Variants in MYRIP observed in about 807,000 individuals in gnomAD.
The protein encoded by MYRIP is rab effector MyRIP.
Under a neutral mutation model 98.0 loss-of-function variants are expected in MYRIP, and 49 were observed. The ratio of observed to expected loss-of-function variants is 0.50; its 90% CI spans 0.40 to 0.63. The LOEUF (loss-of-function observed/expected upper bound fraction) is 0.63. MYRIP is among the 30% of genes least tolerant of loss of function. MYRIP has a pLI of 0.00. For missense variants in MYRIP, 1,004 were observed against 1,058.2 expected (o/e 0.95, Z 0.71); for synonymous variants, 404 against 409.5 (o/e 0.99, Z 0.16).
intron 3 of MYRIP, among the ~76,000 whole-genome samples, chr3:40,106,597 T>C (rs2125897385): frequency 6.6e-6 from 1 of 152,308 alleles, no homozygotes; most frequent in East Asian, 1.9e-4. Context: ...AAGCTAACAG[T>C]GTCCACTTTC....
intron 1 of MYRIP, among the ~76,000 whole-genome samples, chr3:39,819,481 G>A (rs1009450697): frequency 3.9e-5 from 6 of 152,214 alleles, no homozygotes; most frequent in Non-Finnish European, 7.3e-5. Context: ...AAGCACATCT[G>A]TCCAGCTCTG....
At chr3:39,934,951 C>T (rs1204832743) in intron 2 of MYRIP, among the ~76,000 whole-genome samples, 1 of 152,302 alleles carries the variant, frequency 6.6e-6, no homozygotes, top group East Asian at 1.9e-4. Context: ...ATGTCTTCCT[C>T]CCACGACCTG....
intron 3 of MYRIP, among the ~76,000 whole-genome samples, chr3:40,106,023 T>C (rs1949043913): frequency 6.6e-6 from 1 of 151,966 alleles, no homozygotes; most frequent in Admixed American, 6.6e-5. Context: ...TACTCCATGA[T>C]CCAGTCACCT....
At chr3:40,166,230 T>C (rs1474191421) in intron 5 of MYRIP, among the ~76,000 whole-genome samples, 1 of 152,218 alleles carries the variant, frequency 6.6e-6, no homozygotes, top group East Asian at 1.9e-4. Flanking sequence ...ATTTTCCCCA[T>C]CATCACAATA....
chr3:40,117,403 C>G (rs971194636), intron 3 of MYRIP, among the ~76,000 whole-genome samples: 3 of 152,188 alleles, frequency 2.0e-5, no homozygotes, highest in African/African-American at 7.2e-5. Flanking sequence ...TTAAAAAGCT[C>G]TTGCCCTCTG....
chr3:39,810,609 A>G (rs1940645910), intron 1 of MYRIP: 1 of 152,242 alleles, frequency 6.6e-6, no homozygotes, highest in African/African-American at 2.4e-5. Context: ...GATCTTCCTG[A>G]TGGACGCGTG....
intron 10 of MYRIP, among the ~76,000 whole-genome samples, chr3:40,201,195 T>G (rs1300813434): frequency 6.6e-6 from 1 of 152,220 alleles, no homozygotes; most frequent in African/African-American, 2.4e-5. Context: ...ATGTAAACAT[T>G]CACCTGAAAA....
chr3:40,144,287 T>A (rs1270409029), intron 3 of MYRIP, among the ~76,000 whole-genome samples: 1 of 152,200 alleles, frequency 6.6e-6, no homozygotes, highest in Non-Finnish European at 1.5e-5. Flanking sequence ...GAGCCAGCCC[T>A]GCAGAAAGGG....
At position 39,994,644 on chromosome 3, in the gene MYRIP, C is replaced by T. The variant is rs147150376; in HGVS notation, c.111-49406C>T. Among the ~76,000 whole-genome samples, 405 of 152,332 alleles carry T rather than the reference C, an allele frequency of 2.7e-3. 1 individual carries two copies. Among genetic ancestry groups the T allele is most frequent in the African/African-American group, 9.4e-3 (389 of 41,582 alleles). ...ATAGCCAAACAAAAGGCACCAGAAA[C>T]CTCTGCAGACTTAAATGTCCCTGTC... On this transcript the variant is annotated intron_variant, in intron 2 of 16. Transcript: ENST00000302541.
At chr3:40,012,481 G>A (rs1449088040) in intron 2 of MYRIP, among the ~76,000 whole-genome samples, 1 of 152,170 alleles carries the variant, frequency 6.6e-6, no homozygotes, top group Admixed American at 6.5e-5. Flanking sequence ...GTTGCCTGTG[G>A]TCGTTAATTT....
chr3:39,876,222 A>G (rs972726140), intron 1 of MYRIP, among the ~76,000 whole-genome samples: 2 of 151,698 alleles, frequency 1.3e-5, no homozygotes, highest in Non-Finnish European at 2.9e-5. Context: ...TTTTATTTTG[A>G]ACCTATGTGT....
chr3:39,954,257 C>T (rs1420028923), intron 2 of MYRIP, among the ~76,000 whole-genome samples: 1 of 152,142 alleles, frequency 6.6e-6, no homozygotes, highest in African/African-American at 2.4e-5. Context: ...GGAGACACCT[C>T]CCAGTAGGGG....
intron 11 of MYRIP, among the ~76,000 whole-genome samples, chr3:40,212,160 A>G (rs373929879): frequency 0.59 from 5,611 of 9,434 alleles, 1,360 homozygotes; most frequent in Non-Finnish European, 0.72. Context: ...ATACGTGTAT[A>G]TATATATACA....
At chr3:40,113,721 G>A (rs939924046) in intron 3 of MYRIP, among the ~76,000 whole-genome samples, 18 of 151,952 alleles carry the variant, frequency 1.2e-4, no homozygotes, top group Admixed American at 2.6e-4. Context: ...ACAGAGTCTC[G>A]CTCTTTCGCC....
At chr3:40,001,405 T>C (rs1946516836) in intron 2 of MYRIP, among the ~76,000 whole-genome samples, 1 of 152,146 alleles carries the variant, frequency 6.6e-6, no homozygotes, top group Admixed American at 6.5e-5. Context: ...ATGGAAAGAT[T>C]TATTTCTCAG....
chr3:40,034,836 A>G (rs1409246520), intron 2 of MYRIP, among the ~76,000 whole-genome samples: 3 of 151,956 alleles, frequency 2.0e-5, no homozygotes, highest in Admixed American at 1.3e-4. Context: ...ATGTCCAACA[A>G]TGATAGAGTG....
chr3:40,136,308 G>A (rs2125923250), intron 3 of MYRIP, among the ~76,000 whole-genome samples: 1 of 152,280 alleles, frequency 6.6e-6, no homozygotes, highest in South Asian at 2.1e-4. Flanking sequence ...TAATGGTAAA[G>A]GGATCAATTC....
chr3:40,168,643 G>A (rs79894283), intron 7 of MYRIP, among the ~76,000 whole-genome samples: 144 of 152,360 alleles, frequency 9.5e-4, no homozygotes, highest in African/African-American at 3.0e-3. Flanking sequence ...GGTGCAGCAT[G>A]TTCACTCTGG....
At chr3:39,857,890 C>T (rs1041500643) in intron 1 of MYRIP, among the ~76,000 whole-genome samples, 6 of 151,848 alleles carry the variant, frequency 4.0e-5, no homozygotes, top group African/African-American at 1.5e-4. Context: ...GTAGAAGATA[C>T]ACAGAAAATT....
Sources: allele counts gnomAD v4.1 joint callset (sites outside exome capture counted in the v4.1 genomes callset), GRCh38; gene constraint gnomAD v4.1.1; transcripts MANE v1.5; gene names NCBI Gene and HGNC (gene_info 2026-07-23, HGNC 2026-07-21).